Variants in PIEZO2 observed in about 807,000 individuals in gnomAD.
PIEZO2 encodes piezo type mechanosensitive ion channel component 2, also known as piezo-type mechanosensitive ion channel component 2.
PIEZO2 carries 172 observed loss-of-function variants against 337.3 expected under a neutral mutation model. The observed-to-expected ratio is 0.51, with a 90% CI of 0.45 to 0.58. The LOEUF is 0.58. Ranked by LOEUF, PIEZO2 falls within the 20% of genes least tolerant of loss-of-function variation. PIEZO2 has a pLI of 0.00. For missense variants in PIEZO2, 3,028 were observed against 3,391.3 expected (o/e 0.89, Z 2.66); for synonymous variants, 1,251 against 1,228.5 (o/e 1.02, Z -0.38).
At chr18:10,917,470 T>C (rs1440471574) in intron 3 of PIEZO2, among the ~76,000 whole-genome samples, 1 of 152,196 alleles carries the variant, frequency 6.6e-6, no homozygotes. Context: ...GGTCATCATG[T>C]TTCTTCATTG....
At chr18:10,760,862 T>A in intron 24 of PIEZO2, 49 bp downstream of exon 24, 1 of 1,452,748 alleles carries the variant, frequency 6.9e-7, no homozygotes, top group Non-Finnish European at 9.3e-7. Flanking sequence ...AGCAGTTCTT[T>A]GAATTTTCAT....
At chr18:10,951,735 T>C (rs906758482) in intron 3 of PIEZO2, among the ~76,000 whole-genome samples, 1 of 152,226 alleles carries the variant, frequency 6.6e-6, no homozygotes, top group Admixed American at 6.5e-5. Flanking sequence ...CTTCATCATA[T>C]GTTATTACAG....
intron 3 of PIEZO2, among the ~76,000 whole-genome samples, chr18:10,931,925 T>G (rs867863660): frequency 1.3e-5 from 2 of 152,228 alleles, no homozygotes; most frequent in South Asian, 4.1e-4. Context: ...CTTTTTTGGT[T>G]GTTTCAATAA....
intron 2 of PIEZO2, among the ~76,000 whole-genome samples, chr18:11,014,912 GTGGGA>G (rs1436612810): frequency 2.1e-5 from 3 of 142,090 alleles, no homozygotes; most frequent in Admixed American, 7.0e-5. Context: ...GTCACCCTGG[GTGGGA>G]CAGCGATCCG....
At position 10,830,311 on chromosome 18, in the gene PIEZO2, A is replaced by G. The variant is rs1271220119; in HGVS notation, c.918-23037T>C. On this transcript the variant is annotated intron_variant, in intron 7 of 55. Transcript: ENST00000674853. The surrounding 1 kb of genome is among the most constrained non-coding windows in gnomAD (Gnocchi z 4.7). ...TAAATCAAAATGAATTAAAGACTTA[A>G]AGACCTCAAACTGTGAAACTACTGC... is the stretch of plus-strand genomic sequence containing the variant. 6.6e-6 allele frequency among the ~76,000 whole-genome samples: 1 copy of G among 152,208 alleles called. No homozygotes were observed. Among genetic ancestry groups the G allele is most frequent in the East Asian group, 1.9e-4 (1 of 5,204 alleles).
Position 10,716,205 on chromosome 18 carries a change from C to T in PIEZO2, c.5090-389G>A, listed in dbSNP as rs952933668. 1.3e-5 allele frequency among the ~76,000 whole-genome samples: 2 copies of T among 152,198 alleles called. No individual in the cohort carries two copies. The highest frequency in any genetic ancestry group is 6.5e-5 in the Admixed American group (1 of 15,276). ...TTCCCCTTCCACCTTCTCTCCTCCA[C>T]CTCTGCTGCCTCTGCCACCCCTAAT... On this transcript the variant is annotated intron_variant, in intron 37 of 55. Coordinates refer to ENST00000674853, the MANE Select transcript of PIEZO2 (RefSeq NM_001378183.1). The surrounding 1 kb of genome is among the most constrained non-coding windows in gnomAD (Gnocchi z 4.1).
rs377180402 is a variant in PIEZO2, at chr18:10,709,204, T to C, written c.5424-765A>G. The C allele has an allele frequency of 7.2e-5, 11 of 152,332 alleles. No individual in the cohort carries two copies. In the East Asian group the frequency reaches 1.9e-3, roughly 27 times the overall value. The allele number at this position is 152,332 out of a possible 1,614,324, so 9.4% of individuals were successfully genotyped here. On this transcript the variant is annotated intron_variant, in intron 39 of 55. Coordinates refer to ENST00000674853, the MANE Select transcript of PIEZO2 (RefSeq NM_001378183.1). ...TTTTAGGGCTTGTTGGATGCCATGA[T>C]GAAGAGAACCCACTGCCTAAAGCCC... is the stretch of plus-strand genomic sequence containing the variant.
At chr18:10,671,869 C>T in intron 55 of PIEZO2, 90 bp from the exon 56 acceptor site, 1 of 1,196,622 alleles carries the variant, frequency 8.4e-7, no homozygotes, top group Non-Finnish European at 1.1e-6. Context: ...TATTACTTTC[C>T]CTCAAATTCT....
At chr18:10,817,939 G>T (rs1015532637) in intron 7 of PIEZO2, among the ~76,000 whole-genome samples, 5 of 147,270 alleles carry the variant, frequency 3.4e-5, no homozygotes, top group African/African-American at 1.3e-4. Context: ...AAAAAAAAAA[G>T]TAGGACTTTA....
intron 48 of PIEZO2, 127 bp downstream of exon 48, chr18:10,691,098 A>C: frequency 8.9e-7 from 1 of 1,117,852 alleles, no homozygotes; most frequent in Non-Finnish European, 1.3e-6. Flanking sequence ...CCAACATCGT[A>C]AGAGTTCCAC....
Position 11,108,840 on chromosome 18 carries a change from C to T in PIEZO2, c.64+39685G>A, listed in dbSNP as rs564282781. ...GCTGAAGACCAGAGCTTGTTCCACTCTTCACACGGTCCCTCCAGCACATCA... is the reference window on the plus strand; with the variant it reads ...GCTGAAGACCAGAGCTTGTTCCACTTTTCACACGGTCCCTCCAGCACATCA... On this transcript the variant is annotated intron_variant, in intron 1 of 55. Transcript: ENST00000674853. 3.1e-3 allele frequency among the ~76,000 whole-genome samples: 466 copies of T among 152,204 alleles called. 6 individuals carry two copies. Among genetic ancestry groups the T allele is most frequent in the Non-Finnish European group, 8.4e-4 (57 of 68,030 alleles).
In PIEZO2 at chr18:10,994,381, G is replaced by T. The variant is rs558519276; in HGVS notation, c.161-14721C>A. ...AGTGGGATTATTGGATCAAATGGTA[G>T]TTCTACTTTTTGTTCTTTCTTTTTT... On this transcript the variant is annotated intron_variant, in intron 2 of 55. Transcript: ENST00000674853. 2.3e-3 allele frequency among the ~76,000 whole-genome samples: 349 copies of T among 149,008 alleles called. 1 individual carries two copies. Among genetic ancestry groups the T allele is most frequent in the African/African-American group, 8.0e-3 (325 of 40,674 alleles).
intron 8 of PIEZO2, among the ~76,000 whole-genome samples, chr18:10,806,642 G>GGT (rs2040012127): frequency 6.6e-6 from 1 of 151,810 alleles, no homozygotes; most frequent in Non-Finnish European, 1.5e-5. Context: ...TGATAACAGG[G>GGT]GTGTGTGTCT....
In PIEZO2 at chr18:10,672,873, T is replaced by G. The variant is rs1409021419; in HGVS notation, c.8162A>C (p.Glu2721Ala). 6.3e-7 allele frequency: 1 copy of G among 1,595,746 alleles called. No homozygotes were observed. Among genetic ancestry groups the G allele is most frequent in the South Asian group, 1.1e-5 (1 of 87,660 alleles). ...GATGGTAATATCCATGAAATTATTTTCTAGAAGGGTAGAAATGCAAAATTA... is the reference window on the plus strand; with the variant it reads ...GATGGTAATATCCATGAAATTATTTGCTAGAAGGGTAGAAATGCAAAATTA... Reference protein sequence around the residue: ...NSKPIKQLLSENNFMDITIIL... With the variant: ...NSKPIKQLLSANNFMDITIIL... The change falls in exon 55 of 56, where the codon GAA becomes GCA. Residue 2721 changes from glutamate (E) to alanine (A), a missense_variant and splice_region_variant. Transcript: ENST00000674853. The surrounding 1 kb of genome is among the most constrained non-coding windows in gnomAD (Gnocchi z 4.7).
intron 3 of PIEZO2, among the ~76,000 whole-genome samples, chr18:10,955,863 T>C (rs576667194): frequency 6.6e-6 from 1 of 152,216 alleles, no homozygotes; most frequent in African/African-American, 2.4e-5. Context: ...TTTAAATTTT[T>C]TGTTTGTTTG....
chr18:11,034,299 C>CTTTTT (rs1376344551), intron 2 of PIEZO2, among the ~76,000 whole-genome samples: 1 of 148,922 alleles, frequency 6.7e-6, no homozygotes, highest in African/African-American at 2.5e-5. Context: ...CTTTTCTTTT[C>CTTTTT]TTTTTTTTTT....
At chr18:10,884,799 C>T (rs1269320960) in intron 4 of PIEZO2, among the ~76,000 whole-genome samples, 1 of 152,086 alleles carries the variant, frequency 6.6e-6, no homozygotes. Flanking sequence ...AACAGAGTAG[C>T]ACATTTATCC....
intron 7 of PIEZO2, among the ~76,000 whole-genome samples, chr18:10,812,167 A>C (rs2040214755): frequency 6.6e-6 from 1 of 152,246 alleles, no homozygotes; most frequent in Non-Finnish European, 1.5e-5. Flanking sequence ...ATCCAGGTTT[A>C]TAATGAAGAA....
At chr18:11,068,356 A>C (rs2038222165) in intron 1 of PIEZO2, among the ~76,000 whole-genome samples, 1 of 152,266 alleles carries the variant, frequency 6.6e-6, no homozygotes, top group Admixed American at 6.5e-5. Context: ...GTACAAAACT[A>C]GAAATCAAAA....
Sources: gnomAD v4.1 joint callset for allele counts (sites outside exome capture counted in the v4.1 genomes callset) on GRCh38, gnomAD v4.1.1 for gene constraint, Gnocchi (gnomAD v3.1) non-coding constraint, MANE v1.5 for transcripts, NCBI Gene and HGNC (gene_info 2026-07-23, HGNC 2026-07-21) for gene names.